The following EIF3E variants were observed in gnomAD, a reference collection of about 807,000 sequenced individuals.
EIF3E encodes the protein eIF-3 p48.
EIF3E carries 25 observed loss-of-function variants against 59.3 expected under a neutral mutation model. That is an observed-to-expected ratio of 0.42 (90% CI 0.31 to 0.59). EIF3E has a LOEUF of 0.59. Ranked by LOEUF, EIF3E falls within the 20% of genes least tolerant of loss-of-function variation. The probability of loss-of-function intolerance (pLI) is 0.15; values close to 1 mark genes in which losing one functional copy is unlikely to be tolerated. For synonymous variants in EIF3E, 176 were observed against 170.2 expected, an observed-to-expected ratio of 1.03 and a Z score of -0.26; for missense variants, 317 against 534.3, an observed-to-expected ratio of 0.59 and a Z score of 4.01.
intron 5 of EIF3E, 23 bp downstream of exon 5, chr8:108,234,975 A>G: frequency 7.0e-7 from 1 of 1,438,522 alleles, no homozygotes; most frequent in Non-Finnish European, 9.5e-7. Context: ...AAAAAAAAAA[A>G]AAAAACATGT....
intron 12 of EIF3E, among the ~76,000 whole-genome samples, chr8:108,202,583 A>G (rs1815014930): frequency 6.6e-6 from 1 of 152,080 alleles, no homozygotes; most frequent in Admixed American, 6.6e-5. Flanking sequence ...AATACATATA[A>G]TAAGATCAAC....
intron 5 of EIF3E, chr8:108,234,680 A>C (rs1815691663): frequency 5.9e-6 from 1 of 170,288 alleles, no homozygotes; most frequent in African/African-American, 2.4e-5. Flanking sequence ...ACAATGTGCC[A>C]CTCACTGTGC....
rs1314414638 is a variant in EIF3E, at chr8:108,215,222, G to T, written c.952-506C>A. ...TCAAAACCTAGACACTTAGCATAAT[G>T]AATATACGCCAATATTTACCTTAAT... is the stretch of plus-strand genomic sequence containing the variant. On this transcript the variant is annotated intron_variant, in intron 9 of 12. Coordinates refer to ENST00000220849, the MANE Select transcript of EIF3E (RefSeq NM_001568.3). Among the ~76,000 whole-genome samples the T allele has an allele frequency of 8.6e-5, 13 of 152,012 alleles. No homozygotes were observed. In the East Asian group the frequency reaches 2.5e-3, roughly 29 times the overall value.
intron 10 of EIF3E, among the ~76,000 whole-genome samples, chr8:108,204,744 T>TAGAG (rs753379060): frequency 6.5e-4 from 67 of 102,686 alleles, no homozygotes; most frequent in South Asian, 2.6e-3. Context: ...TATATATATA[T>TAGAG]ATAGAGAGAG....
At chr8:108,245,127 C>G (rs371352557) in intron 1 of EIF3E, among the ~76,000 whole-genome samples, 7 of 151,328 alleles carry the variant, frequency 4.6e-5, no homozygotes, top group East Asian at 3.9e-4. Flanking sequence ...CACTGCCCCC[C>G]CCTCCCATCC....
chr8:108,229,445 GCAT>G (rs1466351873), intron 5 of EIF3E: 1 of 269,062 alleles, frequency 3.7e-6, no homozygotes, highest in Non-Finnish European at 6.9e-6. Flanking sequence ...GGAAACAGCA[GCAT>G]CATCTTACTA....
intron 10 of EIF3E, among the ~76,000 whole-genome samples, chr8:108,209,007 T>G (rs1349021738): frequency 6.6e-6 from 1 of 152,128 alleles, no homozygotes; most frequent in East Asian, 1.9e-4. Context: ...TAAAACATTC[T>G]TAATATGCAT....
intron 1 of EIF3E, among the ~76,000 whole-genome samples, chr8:108,243,660 AGG>A (rs1309354789): frequency 6.7e-6 from 1 of 149,548 alleles, no homozygotes; most frequent in Non-Finnish European, 1.5e-5. Context: ...AAAAAAAAAA[AGG>A]ATGTCTGTAA....
rs1335113915 is a variant in EIF3E, at chr8:108,203,185, C to T, written c.1165-68G>A. On this transcript the variant is annotated intron_variant, in intron 11 of 12. Transcript: ENST00000220849. The stretch of plus-strand genomic sequence containing the variant: ...CTGAGTTTCTCAGGTAAGTAAAAAG[C>T]ATGACATACCTTTGCGCATATTTTA... The T allele has an allele frequency of 3.2e-6, 5 of 1,544,302 alleles. No homozygotes were observed. The East Asian group carries it at 1.1e-4, about 35-fold the overall frequency.
intron 3 of EIF3E, among the ~76,000 whole-genome samples, chr8:108,238,167 T>C (rs1267592812): frequency 1.3e-5 from 2 of 152,230 alleles, no homozygotes; most frequent in African/African-American, 4.8e-5. Context: ...ATCACCTACA[T>C]GTGACCTGAA....
chr8:108,221,040 AAGGAC>A (rs1039574115), intron 7 of EIF3E, among the ~76,000 whole-genome samples: 5 of 151,990 alleles, frequency 3.3e-5, no homozygotes, highest in Non-Finnish European at 7.4e-5. Context: ...ACAGACAGGA[AAGGAC>A]AGGACAGGAC....
chr8:108,217,303 A>C lies in EIF3E; in HGVS notation c.849+31T>G, dbSNP rs920923894. On this transcript the variant is annotated intron_variant, in intron 8 of 12. Coordinates refer to ENST00000220849, the MANE Select transcript of EIF3E (RefSeq NM_001568.3). ...TTAGACCTAAAGCTTAGGTATTTAA[A>C]AAAAAAAATCAATATATATTTTAGT... 2.7e-6 allele frequency: 4 copies of C among 1,482,650 alleles called. No individual in the cohort carries two copies. In the African/African-American group the frequency reaches 5.7e-5, roughly 21 times the overall value. The allele number at this position is 1,482,650 out of a possible 1,614,324, so 91.8% of individuals were successfully genotyped here.
At chr8:108,239,360 T>C (rs1014087784) in intron 3 of EIF3E, among the ~76,000 whole-genome samples, 1 of 151,922 alleles carries the variant, frequency 6.6e-6, no homozygotes, top group South Asian at 2.1e-4. Flanking sequence ...CTGGCTAACT[T>C]TTTATTGGTT....
chr8:108,230,617 G>A (rs1815605043), intron 5 of EIF3E, among the ~76,000 whole-genome samples: 1 of 152,076 alleles, frequency 6.6e-6, no homozygotes, highest in South Asian at 2.1e-4. Flanking sequence ...ACTAAGAGCA[G>A]GCAAATAACA....
chr8:108,204,687 TGTGGG>T (rs1310048867), intron 10 of EIF3E, among the ~76,000 whole-genome samples: 6 of 149,498 alleles, frequency 4.0e-5, no homozygotes, highest in African/African-American at 1.5e-4. Flanking sequence ...TGCTATAAAC[TGTGGG>T]GGCACTCCCT....
chr8:108,217,087 A>G (rs1815318576), intron 8 of EIF3E, among the ~76,000 whole-genome samples: 1 of 152,118 alleles, frequency 6.6e-6, no homozygotes, highest in South Asian at 2.1e-4. Flanking sequence ...CATACACATA[A>G]TGTATATATT....
chr8:108,235,785 T>C (rs1446614494), intron 4 of EIF3E, among the ~76,000 whole-genome samples: 3 of 152,242 alleles, frequency 2.0e-5, no homozygotes, highest in African/African-American at 7.2e-5. Context: ...TCAAAGCATT[T>C]CTAATTCAAA....
intron 4 of EIF3E, 79 bp from the exon 5 acceptor site, chr8:108,235,181 T>C: frequency 1.2e-6 from 1 of 808,386 alleles, no homozygotes; most frequent in Non-Finnish European, 1.8e-6. Context: ...GTCTTTGAGG[T>C]CAAAACTATG....
intron 10 of EIF3E, among the ~76,000 whole-genome samples, chr8:108,212,768 C>A (rs1815235992): frequency 6.6e-6 from 1 of 151,684 alleles, no homozygotes; most frequent in African/African-American, 2.4e-5. Context: ...CACCACTATA[C>A]CCAAGCCTAG....
Sources: gnomAD v4.1 joint callset for allele counts (sites outside exome capture counted in the v4.1 genomes callset) on GRCh38, gnomAD v4.1.1 for gene constraint, MANE v1.5 for transcripts, NCBI Gene and HGNC (gene_info 2026-07-23, HGNC 2026-07-21) for gene names.